The following XYLT1 variants were observed in gnomAD, a reference collection of about 807,000 sequenced individuals.
The protein encoded by XYLT1 is beta-D-xylosyltransferase 1.
A neutral mutation model predicts 91.3 loss-of-function variants in XYLT1; 36 were observed. That is an observed-to-expected ratio of 0.39 (90% confidence interval 0.30 to 0.52). The LOEUF (loss-of-function observed/expected upper bound fraction) is 0.52, where lower values mean the gene tolerates loss of function less well. Ranked by LOEUF, XYLT1 falls within the 20% of genes least tolerant of loss-of-function variation. XYLT1 has a pLI of 0.68. For missense variants in XYLT1, 1,242 were observed against 1,284.5 expected, an observed-to-expected ratio of 0.97 and a Z score of 0.51; for synonymous variants, 588 against 532.0, an observed-to-expected ratio of 1.11 and a Z score of -1.45.
chr16:17,300,470 T>TTTTTTTTTTTTTTTTTTTC (rs2034378591), intron 2 of XYLT1, among the ~76,000 whole-genome samples: 2 of 140,040 alleles, frequency 1.4e-5, no homozygotes, highest in Admixed American at 7.2e-5. Flanking sequence ...TTTTTTTTTT[T>TTTTTTTTTTTTTTTTTTTC]TTTTGAGATG....
intron 1 of XYLT1, among the ~76,000 whole-genome samples, chr16:17,438,769 G>A (rs1488753593): frequency 2.0e-5 from 3 of 151,936 alleles, no homozygotes; most frequent in South Asian, 2.1e-4. Context: ...TACACACTTC[G>A]AAACCATCAG....
At chr16:17,375,481 A>AACACAC (rs71137985) in intron 1 of XYLT1, among the ~76,000 whole-genome samples, 148 of 147,536 alleles carry the variant, frequency 1.0e-3, no homozygotes, top group Middle Eastern at 3.4e-3. Context: ...TAACATTTAA[A>AACACAC]ACACACACAC....
intron 1 of XYLT1, among the ~76,000 whole-genome samples, chr16:17,362,706 T>A (rs541517561): frequency 1.3e-5 from 2 of 152,374 alleles, no homozygotes; most frequent in South Asian, 4.1e-4. Flanking sequence ...CTGGCTCTCC[T>A]GGCGGATTCT....
At chr16:17,314,373 C>G (rs1019239093) in intron 2 of XYLT1, among the ~76,000 whole-genome samples, 2 of 152,124 alleles carry the variant, frequency 1.3e-5, no homozygotes, top group African/African-American at 4.8e-5. Context: ...CAGCCCACCC[C>G]GCTGCACGTT....
chr16:17,283,451 TAC>T (rs909182861), intron 2 of XYLT1, among the ~76,000 whole-genome samples: 2 of 152,092 alleles, frequency 1.3e-5, no homozygotes, highest in East Asian at 1.9e-4. Flanking sequence ...GGTCTTTGTG[TAC>T]ACACACACGC....
intron 1 of XYLT1, among the ~76,000 whole-genome samples, chr16:17,379,763 T>TCTTTCTCACACA (rs373354877): frequency 1.3e-4 from 16 of 125,544 alleles, no homozygotes; most frequent in African/African-American, 4.4e-4. Context: ...TCTCTCTCTC[T>TCTTTCTCACACA]CACACACACA....
At chr16:17,418,982 G>A (rs1290602748) in intron 1 of XYLT1, among the ~76,000 whole-genome samples, 1 of 152,086 alleles carries the variant, frequency 6.6e-6, no homozygotes, top group African/African-American at 2.4e-5. Flanking sequence ...GGGTATAGCT[G>A]TGTTCCAATA....
chr16:17,465,956 G>A (rs558232583), intron 1 of XYLT1, among the ~76,000 whole-genome samples: 4 of 152,260 alleles, frequency 2.6e-5, no homozygotes, highest in South Asian at 4.1e-4. Flanking sequence ...AGAAAGGGCC[G>A]AGCCAGGAGG....
intron 9 of XYLT1, among the ~76,000 whole-genome samples, chr16:17,130,150 C>CAA (rs2030415379): frequency 6.6e-6 from 1 of 152,250 alleles, no homozygotes; most frequent in Non-Finnish European, 1.5e-5. Context: ...GCTCAGGCAA[C>CAA]TATTCCCAGC....
At chr16:17,135,386 C>G (rs1458430046) in intron 8 of XYLT1, among the ~76,000 whole-genome samples, 1 of 151,958 alleles carries the variant, frequency 6.6e-6, no homozygotes, top group Non-Finnish European at 1.5e-5. Context: ...GATTCCAGGC[C>G]AGGCACACAC....
intron 2 of XYLT1, among the ~76,000 whole-genome samples, chr16:17,341,761 T>C (rs138325553): frequency 3.2e-4 from 48 of 152,370 alleles, no homozygotes; most frequent in African/African-American, 1.1e-3. Context: ...TGTGCTTGTA[T>C]TGCATTAATC....
intron 1 of XYLT1, among the ~76,000 whole-genome samples, chr16:17,361,695 A>G (rs1448425628): frequency 6.6e-6 from 1 of 152,206 alleles, no homozygotes; most frequent in Non-Finnish European, 1.5e-5. Context: ...TGTGCCCAAT[A>G]TACCAGTCCT....
intron 2 of XYLT1, among the ~76,000 whole-genome samples, chr16:17,336,958 C>G (rs1443039725): frequency 6.6e-6 from 1 of 152,206 alleles, no homozygotes; most frequent in Non-Finnish European, 1.5e-5. Context: ...GGCATATATT[C>G]TGCAACACAA....
chr16:17,273,900 GGTCA>G (rs1044061103), intron 2 of XYLT1, among the ~76,000 whole-genome samples: 14 of 151,434 alleles, frequency 9.2e-5, no homozygotes, highest in Non-Finnish European at 1.8e-4. Context: ...TCATTCATTC[GGTCA>G]GTCAGTCAGT....
intron 10 of XYLT1, among the ~76,000 whole-genome samples, chr16:17,125,969 C>CT (rs1262747213): frequency 6.6e-6 from 1 of 152,224 alleles, no homozygotes; most frequent in Non-Finnish European, 1.5e-5. Flanking sequence ...CAGCCACCTG[C>CT]TGTGAGCCAG....
chr16:17,401,568 G>GTC (rs1319942919), intron 1 of XYLT1, among the ~76,000 whole-genome samples: 1 of 152,078 alleles, frequency 6.6e-6, no homozygotes, highest in East Asian at 1.9e-4. Context: ...ACCTCTCTTT[G>GTC]TCTCTGTTCC....
In XYLT1 at chr16:17,210,557, A is replaced by G. The variant is rs2032738437; in HGVS notation, c.914-9903T>C. 2.0e-5 allele frequency among the ~76,000 whole-genome samples: 3 copies of G among 152,036 alleles called. No individual in the cohort carries two copies. The South Asian group carries it at 6.2e-4, about 32-fold the overall frequency. On this transcript the variant is annotated intron_variant, in intron 3 of 11. Coordinates refer to ENST00000261381, the MANE Select transcript of XYLT1 (RefSeq NM_022166.4). ...ACACCATTGCACTCCAGCCTGGGTGACAAAATGAGACTCCATCTTAAAAAA... is the reference window on the plus strand; with the variant it reads ...ACACCATTGCACTCCAGCCTGGGTGGCAAAATGAGACTCCATCTTAAAAAA...
At chr16:17,379,238 G>T (rs568247049) in intron 1 of XYLT1, among the ~76,000 whole-genome samples, 25 of 152,278 alleles carry the variant, frequency 1.6e-4, no homozygotes, top group African/African-American at 6.0e-4. Context: ...AATAAACCCT[G>T]CTAACTTCAG....
intron 11 of XYLT1, among the ~76,000 whole-genome samples, chr16:17,116,595 T>G (rs1451635723): frequency 6.6e-6 from 1 of 152,208 alleles, no homozygotes; most frequent in East Asian, 1.9e-4. Context: ...ATCAGACCGT[T>G]TCTGGTTTTG....
Sources: allele counts gnomAD v4.1 joint callset (sites outside exome capture counted in the v4.1 genomes callset), GRCh38; gene constraint gnomAD v4.1.1; transcripts MANE v1.5; gene names NCBI Gene and HGNC (gene_info 2026-07-23, HGNC 2026-07-21).